EFHD1: variants seen among roughly 807,000 people sequenced by gnomAD.
The protein encoded by EFHD1 is EF-hand domain family member D1.
In EFHD1, 10 loss-of-function variants were observed where a neutral mutation model predicts 17.2. The observed-to-expected ratio is 0.58, with a 90% CI of 0.36 to 0.99. The LOEUF (loss-of-function observed/expected upper bound fraction) is 0.99. Among genes scored for constraint, EFHD1 ranks in the 50% least tolerant of loss-of-function variants. EFHD1 has a pLI of 0.01. For missense variants in EFHD1, 310 were observed against 327.5 expected, an observed-to-expected ratio of 0.95 and a Z score of 0.41; for synonymous variants, 153 against 142.0, an observed-to-expected ratio of 1.08 and a Z score of -0.55.
chr2:232,627,301 T>C (rs759049750), intron 1 of EFHD1, among the ~76,000 whole-genome samples: 17 of 148,388 alleles, frequency 1.1e-4, no homozygotes, highest in Non-Finnish European at 2.1e-4. Context: ...AAGTAAAATA[T>C]GTCAACATAG....
chr2:232,668,472 T>A (rs776513136), intron 2 of EFHD1, among the ~76,000 whole-genome samples: 1 of 152,126 alleles, frequency 6.6e-6, no homozygotes, highest in African/African-American at 2.4e-5. Flanking sequence ...CTTTCCCTCA[T>A]GTTTCCAGTT....
At chr2:232,622,940 T>C (rs1694046409) in intron 1 of EFHD1, among the ~76,000 whole-genome samples, 1 of 152,234 alleles carries the variant, frequency 6.6e-6, no homozygotes, top group Non-Finnish European at 1.5e-5. Context: ...GTTGGACATA[T>C]ATTGGATTAC....
At chr2:232,621,437 T>A (rs763530778) in intron 1 of EFHD1, among the ~76,000 whole-genome samples, 12 of 125,880 alleles carry the variant, frequency 9.5e-5, no homozygotes, top group Non-Finnish European at 1.7e-4. Context: ...TTGTGATTGG[T>A]ATTCTTTCGT....
chr2:232,623,921 G>A (rs747425103), intron 1 of EFHD1, among the ~76,000 whole-genome samples: 2 of 152,018 alleles, frequency 1.3e-5, no homozygotes, highest in South Asian at 2.1e-4. Flanking sequence ...GAGCAGAATC[G>A]CCCCAGGGGC....
At chr2:232,671,641 C>T (rs935743056) in intron 2 of EFHD1, among the ~76,000 whole-genome samples, 2 of 151,938 alleles carry the variant, frequency 1.3e-5, no homozygotes. Flanking sequence ...GCAGGAGAAT[C>T]GCTTGAACCT....
intron 2 of EFHD1, among the ~76,000 whole-genome samples, chr2:232,671,913 C>T (rs115686027): frequency 0.042 from 6,368 of 150,770 alleles, 236 homozygotes; most frequent in East Asian, 0.21. Context: ...AAAAATTAGC[C>T]GCGCATGGTG....
chr2:232,639,625 G>T (rs1361378467), intron 1 of EFHD1, among the ~76,000 whole-genome samples: 1 of 152,126 alleles, frequency 6.6e-6, no homozygotes, highest in Admixed American at 6.5e-5. Flanking sequence ...TGTTTGATTG[G>T]CATGGGGCTA....
At chr2:232,640,681 G>A (rs1035200478) in intron 1 of EFHD1, among the ~76,000 whole-genome samples, 1 of 152,116 alleles carries the variant, frequency 6.6e-6, no homozygotes, top group Non-Finnish European at 1.5e-5. Context: ...GTCACTCCCC[G>A]AGAAGCCACC....
chr2:232,618,036 T>G (rs1339274379), intron 1 of EFHD1, among the ~76,000 whole-genome samples: 1 of 151,954 alleles, frequency 6.6e-6, no homozygotes, highest in Non-Finnish European at 1.5e-5. Context: ...ATTTATTTAT[T>G]TGAGATGGAG....
Position 232,672,534 on chromosome 2 carries a change from C to T in EFHD1, c.585+91C>T, listed in dbSNP as rs560000770. 9.3e-6 allele frequency: 14 copies of T among 1,501,558 alleles called. No individual in the cohort carries two copies. In the African/African-American group the frequency reaches 1.8e-4, roughly 20 times the overall value. The allele number at this position is 1,501,558 out of a possible 1,614,324, so 93.0% of individuals were successfully genotyped here. A position where few individuals can be genotyped will look rare whatever the true frequency, so the allele number is the denominator to read the frequency against. On this transcript the variant is annotated intron_variant, in intron 3 of 3. Transcript: ENST00000264059. Reference sequence around the variant, plus strand: ...AGCTGTCATTTTCATCTCAGCAGAGCACACCTGCAGAAACAGACCAGGAGG... The same window carrying T: ...AGCTGTCATTTTCATCTCAGCAGAGTACACCTGCAGAAACAGACCAGGAGG...
chr2:232,638,674 A>G (rs1256324012), intron 1 of EFHD1, among the ~76,000 whole-genome samples: 1 of 152,196 alleles, frequency 6.6e-6, no homozygotes, highest in Non-Finnish European at 1.5e-5. Context: ...CTGCCTGCAT[A>G]CTGGCATCCT....
At chr2:232,647,600 T>G (rs1421372435) in intron 1 of EFHD1, among the ~76,000 whole-genome samples, 1 of 151,996 alleles carries the variant, frequency 6.6e-6, no homozygotes, top group Admixed American at 6.5e-5. Context: ...CCAGGGGCCC[T>G]TCCAACCCAG....
At chr2:232,660,156 A>G (rs968319825) in intron 1 of EFHD1, among the ~76,000 whole-genome samples, 1 of 151,704 alleles carries the variant, frequency 6.6e-6, no homozygotes, top group Non-Finnish European at 1.5e-5. Context: ...TTTAATTTTT[A>G]AATTTGTGTT....
chr2:232,638,178 G>C, intron 1 of EFHD1: 1 of 354,450 alleles, frequency 2.8e-6, no homozygotes, highest in African/African-American at 2.1e-5. Context: ...ACGTGAGCTG[G>C]TGGAGCAGTC....
chr2:232,612,594 G>T (rs1172699154), intron 1 of EFHD1, among the ~76,000 whole-genome samples: 1 of 152,144 alleles, frequency 6.6e-6, no homozygotes, highest in Non-Finnish European at 1.5e-5. Flanking sequence ...CACCCCATTG[G>T]AGTGGCTGCA....
chr2:232,633,873 G>C lies in EFHD1; in HGVS notation c.169G>C (p.Ala57Pro). The change falls in exon 1 of 4, where the codon GCC becomes CCC. Residue 57 changes from alanine (A) to proline (P), a missense_variant. Coordinates refer to ENST00000264059, the MANE Select transcript of EFHD1 (RefSeq NM_025202.4). ...GGCCAGCGCCGACGCGGAGCTGAGCGCCCAGCTGAGCCGGCGGCTGGACAT... is the reference window on the plus strand; with the variant it reads ...GGCCAGCGCCGACGCGGAGCTGAGCCCCCAGCTGAGCCGGCGGCTGGACAT... ...PTASADAELS[A>P]QLSRRLDINE... 6.5e-7 allele frequency: 1 copy of C among 1,531,342 alleles called. No individual in the cohort carries two copies. The highest frequency in any genetic ancestry group is 2.6e-5 in the East Asian group (1 of 38,040). 94.9% of individuals were successfully genotyped at this position (1,531,342 alleles called of 1,614,324 possible).
chr2:232,680,483 A>G (rs1045488587), intron 3 of EFHD1, among the ~76,000 whole-genome samples: 4 of 152,212 alleles, frequency 2.6e-5, no homozygotes, highest in Non-Finnish European at 4.4e-5. Flanking sequence ...ATATAGAACA[A>G]TTGATTTAGT....
chr2:232,629,886 C>T (rs1434960997), upstream of EFHD1, among the ~76,000 whole-genome samples: 1 of 151,840 alleles, frequency 6.6e-6, no homozygotes, highest in Non-Finnish European at 1.5e-5. Flanking sequence ...ATTTGTTTTA[C>T]AAAACATGGG....
intron 1 of EFHD1, among the ~76,000 whole-genome samples, chr2:232,650,479 A>C (rs1190370567): frequency 6.8e-6 from 1 of 147,590 alleles, no homozygotes; most frequent in Non-Finnish European, 1.5e-5. Context: ...TTTTTAGTAG[A>C]GACAGGGTTT....
Sources: gnomAD v4.1 joint callset for allele counts (sites outside exome capture counted in the v4.1 genomes callset) on GRCh38, gnomAD v4.1.1 for gene constraint, MANE v1.5 for transcripts, NCBI Gene and HGNC (gene_info 2026-07-23, HGNC 2026-07-21) for gene names.